The following PDE4D variants were observed in gnomAD, a reference collection of about 807,000 sequenced individuals.
The protein encoded by PDE4D is phosphodiesterase 4D.
A neutral mutation model predicts 87.4 loss-of-function variants in PDE4D; 24 were observed. The observed-to-expected ratio is 0.27, with a 90% CI of 0.20 to 0.39. The LOEUF is 0.39. Ranked by LOEUF, PDE4D falls within the 10% of genes least tolerant of loss-of-function variation. PDE4D has a pLI of 1.00. For missense variants in PDE4D, 714 were observed against 1,041.0 expected (o/e 0.69, Z 4.32); for synonymous variants, 384 against 383.2 (o/e 1.00, Z -0.02).
chr5:60,292,000 A>G (rs1752939472), intron 1 of PDE4D, among the ~76,000 whole-genome samples: 1 of 152,186 alleles, frequency 6.6e-6, no homozygotes, highest in Admixed American at 6.5e-5. Flanking sequence ...TTTTCGTTAC[A>G]TAGGGAAACA....
upstream of PDE4D, among the ~76,000 whole-genome samples, chr5:59,897,615 C>T (rs13162650): frequency 0.11 from 16,902 of 151,994 alleles, 978 homozygotes; most frequent in Middle Eastern, 0.17. Flanking sequence ...TCCCACCCCC[C>T]GACAGGCCCC....
At chr5:59,616,918 C>CATATATATATATACATATATATATATAT (rs1829744364) in intron 1 of PDE4D, among the ~76,000 whole-genome samples, 1 of 62,890 alleles carries the variant, frequency 1.6e-5, no homozygotes, top group African/African-American at 5.0e-5. Flanking sequence ...CTAATAATTA[C>CATATATATATATACATATATATATATAT]ATATATATAT....
chr5:59,239,875 C>T (rs1294127300), intron 1 of PDE4D, among the ~76,000 whole-genome samples: 1 of 152,214 alleles, frequency 6.6e-6, no homozygotes, highest in Non-Finnish European at 1.5e-5. Context: ...AAAGCACTCA[C>T]ATATTAAAAT....
At chr5:59,896,194 A>G (rs1412792618), upstream of PDE4D, among the ~76,000 whole-genome samples, 1 of 152,216 alleles carries the variant, frequency 6.6e-6, no homozygotes, top group South Asian at 2.1e-4. Context: ...TACTTCACAG[A>G]ATTTTGCAAT....
chr5:59,620,130 C>A (rs1830176489), intron 1 of PDE4D, among the ~76,000 whole-genome samples: 1 of 151,910 alleles, frequency 6.6e-6, no homozygotes, highest in South Asian at 2.1e-4. Flanking sequence ...TCCATGTGAC[C>A]AAGAGACAGA....
intron 1 of PDE4D, among the ~76,000 whole-genome samples, chr5:60,322,535 T>G (rs73106742): frequency 0.06 from 9,176 of 152,182 alleles, 919 homozygotes; most frequent in African/African-American, 0.21. Flanking sequence ...TAATTCCCAG[T>G]AGGTGAATTC....
At chr5:59,533,593 A>C (rs1814617300) in intron 1 of PDE4D, among the ~76,000 whole-genome samples, 1 of 152,212 alleles carries the variant, frequency 6.6e-6, no homozygotes, top group Non-Finnish European at 1.5e-5. Flanking sequence ...TAGTCAACAG[A>C]TATGCACACT....
chr5:60,107,530 C>T (rs1270239488), intron 2 of PDE4D, among the ~76,000 whole-genome samples: 2 of 152,136 alleles, frequency 1.3e-5, no homozygotes, highest in Non-Finnish European at 1.5e-5. Context: ...CATCCTGATA[C>T]CAAAGCCAGG....
intron 1 of PDE4D, among the ~76,000 whole-genome samples, chr5:60,440,348 A>G (rs989474811): frequency 6.6e-6 from 1 of 152,172 alleles, no homozygotes; most frequent in Admixed American, 6.5e-5. Flanking sequence ...TACAAAAAAA[A>G]TAAACACAAA....
At chr5:59,632,580 G>C (rs953469454) in intron 1 of PDE4D, among the ~76,000 whole-genome samples, 1 of 152,216 alleles carries the variant, frequency 6.6e-6, no homozygotes, top group African/African-American at 2.4e-5. Flanking sequence ...TGCAGGCTCT[G>C]CTAGTGATAC....
intron 1 of PDE4D, among the ~76,000 whole-genome samples, chr5:59,311,288 A>C (rs1772545362): frequency 6.6e-6 from 1 of 151,954 alleles, no homozygotes; most frequent in Admixed American, 6.6e-5. Context: ...GCACTTTATG[A>C]GGCCAAGGCG....
At chr5:60,176,280 C>G (rs1477188704) in intron 2 of PDE4D, among the ~76,000 whole-genome samples, 1 of 152,180 alleles carries the variant, frequency 6.6e-6, no homozygotes, top group African/African-American at 2.4e-5. Context: ...CCTCTTTCTT[C>G]TTGCAGGTGC....
intron 5 of PDE4D, among the ~76,000 whole-genome samples, chr5:59,116,776 G>A (rs1047244426): frequency 1.3e-5 from 2 of 152,174 alleles, no homozygotes; most frequent in Non-Finnish European, 1.5e-5. Flanking sequence ...AATGGTGGGG[G>A]TGGTGACAAA....
chr5:59,112,299 T>C (rs1345543583), intron 5 of PDE4D, among the ~76,000 whole-genome samples: 1 of 152,002 alleles, frequency 6.6e-6, no homozygotes, highest in Non-Finnish European at 1.5e-5. Flanking sequence ...AGACCAGAGA[T>C]GAAACAGGGG....
intron 1 of PDE4D, among the ~76,000 whole-genome samples, chr5:59,814,451 G>T (rs1162738009): frequency 6.6e-6 from 1 of 152,182 alleles, no homozygotes; most frequent in East Asian, 1.9e-4. Context: ...AGCCAGCCAG[G>T]ATAGGGGCCA....
At chr5:59,169,139 C>A (rs1260612056) in intron 5 of PDE4D, among the ~76,000 whole-genome samples, 4 of 152,022 alleles carry the variant, frequency 2.6e-5, no homozygotes, top group African/African-American at 9.7e-5. Flanking sequence ...TTAAATAATT[C>A]AGTGTAACAT....
intron 1 of PDE4D, among the ~76,000 whole-genome samples, chr5:59,593,443 A>T (rs1317435282): frequency 1.3e-5 from 2 of 152,214 alleles, no homozygotes; most frequent in Non-Finnish European, 2.9e-5. Context: ...CTGATTGATA[A>T]TTTAATTAAA....
At chr5:59,866,049 T>C (rs1746978413) in intron 1 of PDE4D, among the ~76,000 whole-genome samples, 1 of 152,252 alleles carries the variant, frequency 6.6e-6, no homozygotes, top group African/African-American at 2.4e-5. Context: ...TTACTGTGGA[T>C]TAAGTATATG....
At chr5:59,930,936 G>A (rs1755840271) in intron 3 of PDE4D, among the ~76,000 whole-genome samples, 1 of 152,028 alleles carries the variant, frequency 6.6e-6, no homozygotes, top group Non-Finnish European at 1.5e-5. Flanking sequence ...TAGGCTTCAA[G>A]CTAGAAAAAA....
Sources: allele counts gnomAD v4.1 joint callset (sites outside exome capture counted in the v4.1 genomes callset), GRCh38; gene constraint gnomAD v4.1.1; transcripts MANE v1.5; gene names NCBI Gene and HGNC (gene_info 2026-07-23, HGNC 2026-07-21).